The following USP25 variants were observed in gnomAD, a reference collection of about 807,000 sequenced individuals.
The protein encoded by USP25 is ubiquitin specific peptidase 25, also known as ubiquitin carboxyl-terminal hydrolase 25.
Under a neutral mutation model 158.5 loss-of-function variants are expected in USP25, and 85 were observed. The ratio of observed to expected loss-of-function variants is 0.54; its 90% confidence interval spans 0.45 to 0.64. USP25 has a LOEUF of 0.64. Ranked by LOEUF, USP25 falls within the 30% of genes least tolerant of loss-of-function variation. USP25 has a pLI of 0.00. For synonymous variants in USP25, 464 were observed against 460.4 expected, an observed-to-expected ratio of 1.01 and a Z score of -0.10; for missense variants, 1,242 against 1,327.3, an observed-to-expected ratio of 0.94 and a Z score of 1.00.
intron 10 of USP25, 148 bp from the exon 11 acceptor site, chr21:15,823,891 T>G: frequency 1.4e-6 from 1 of 712,728 alleles, no homozygotes; most frequent in Non-Finnish European, 2.1e-6. Context: ...AGGTTGAGTT[T>G]TAACTAAACT....
chr21:15,848,788 A>T (rs2038749604), intron 19 of USP25, among the ~76,000 whole-genome samples: 1 of 152,120 alleles, frequency 6.6e-6, no homozygotes. Context: ...CTGGTCAGAG[A>T]GTTTTCTCAA....
rs538202668 is a variant in USP25 at position 15,805,156 on chromosome 21, G to T, written c.678G>T (p.Arg226Ser). 1.2e-6 allele frequency: 2 copies of T among 1,603,816 alleles called. No homozygotes were observed. The highest frequency in any genetic ancestry group is 2.3e-5 in the East Asian group (1 of 44,166). The change falls in exon 7 of 26, where the codon AGG (arginine) becomes AGT (serine). Residue 226 changes from arginine (R) to serine (S), a missense_variant. Coordinates refer to ENST00000400183, the MANE Select transcript of USP25 (RefSeq NM_001283041.3). ...HRNLPFMREL[R>S]YLFALLVGTK... is the part of the protein sequence containing the mutation. ...ATTTGCCTTTTATGCGTGAGCTGAGGTATCTATTTGCACTTCTTGTTGGTA... is the reference window on the plus strand; with the variant it reads ...ATTTGCCTTTTATGCGTGAGCTGAGTTATCTATTTGCACTTCTTGTTGGTA...
rs112786728 is a variant in USP25 at position 15,830,722 on chromosome 21, T to C, written c.1764+121T>C. On this transcript the variant is annotated intron_variant, in intron 15 of 25. Coordinates refer to ENST00000400183, the MANE Select transcript of USP25 (RefSeq NM_001283041.3). Reference sequence around the variant, plus strand: ...TTTTGTTTTAAAATTTTGGCAAATCTTATTGTAAAATAATAAGGGCTTGCA... The same window carrying C: ...TTTTGTTTTAAAATTTTGGCAAATCCTATTGTAAAATAATAAGGGCTTGCA... 1.0e-3 allele frequency: 796 copies of C among 772,870 alleles called. 2 individuals are homozygous for C. Among genetic ancestry groups the C allele is most frequent in the African/African-American group, 5.3e-3 (300 of 56,412 alleles). The allele number at this position is 772,870 out of a possible 1,614,324, so 47.9% of individuals were successfully genotyped here. A position where few individuals can be genotyped will look rare whatever the true frequency, so the allele number is the denominator to read the frequency against.
intron 20 of USP25, among the ~76,000 whole-genome samples, chr21:15,854,806 G>A (rs940584558): frequency 1.3e-5 from 2 of 152,042 alleles, no homozygotes; most frequent in African/African-American, 2.4e-5. Flanking sequence ...TAAGAATGCA[G>A]TATGAAAAAG....
intron 1 of USP25, among the ~76,000 whole-genome samples, chr21:15,735,178 A>G (rs1224132337): frequency 1.3e-5 from 2 of 152,194 alleles, no homozygotes; most frequent in Non-Finnish European, 2.9e-5. Flanking sequence ...TATTTTAAAT[A>G]TGTTTCTATA....
intron 16 of USP25, 104 bp downstream of exon 16, chr21:15,831,733 G>A (rs1384473637): frequency 2.1e-6 from 2 of 962,208 alleles, no homozygotes; most frequent in Non-Finnish European, 3.2e-6. Flanking sequence ...TGAAGGATGT[G>A]GTTAGGAAAT....
intron 3 of USP25, among the ~76,000 whole-genome samples, chr21:15,775,273 G>A (rs2034574156): frequency 6.6e-6 from 1 of 152,128 alleles, no homozygotes; most frequent in South Asian, 2.1e-4. Flanking sequence ...TTCGGCTATA[G>A]CCCATTTGTT....
intron 25 of USP25, 49 bp downstream of exon 25, chr21:15,878,040 C>A (rs2040168278): frequency 6.9e-7 from 1 of 1,441,574 alleles, no homozygotes; most frequent in East Asian, 2.3e-5. Context: ...GGATTAAATG[C>A]AGTTAGAATT....
intron 5 of USP25, among the ~76,000 whole-genome samples, chr21:15,794,508 T>A (rs1317328437): frequency 6.6e-6 from 1 of 151,478 alleles, no homozygotes; most frequent in Non-Finnish European, 1.5e-5. Flanking sequence ...TTTGGAGGTG[T>A]ATGTTCTTCT....
At chr21:15,776,110 A>C (rs920230377) in intron 3 of USP25, among the ~76,000 whole-genome samples, 2 of 152,050 alleles carry the variant, frequency 1.3e-5, no homozygotes, top group African/African-American at 4.8e-5. Context: ...CTGCTTCATC[A>C]GTGTTTATGA....
At chr21:15,860,969 TATATATAGAG>T (rs1300915721) in intron 20 of USP25, among the ~76,000 whole-genome samples, 1 of 141,320 alleles carries the variant, frequency 7.1e-6, no homozygotes, top group African/African-American at 2.6e-5. Context: ...TATATATATA[TATATATAGAG>T]AGAGAGAGAG....
chr21:15,860,973 T>TAGAG (rs376765181), intron 20 of USP25, among the ~76,000 whole-genome samples: 95 of 142,486 alleles, frequency 6.7e-4, no homozygotes, highest in Middle Eastern at 3.8e-3. Context: ...TATATATATA[T>TAGAG]ATAGAGAGAG....
chr21:15,783,739 C>T (rs1434046214), intron 4 of USP25, among the ~76,000 whole-genome samples: 2 of 150,560 alleles, frequency 1.3e-5, no homozygotes, highest in African/African-American at 4.9e-5. Flanking sequence ...AGGCAGATCA[C>T]GAGGTCAGGA....
At chr21:15,811,479 G>A (rs945254171) in intron 9 of USP25, among the ~76,000 whole-genome samples, 1 of 152,084 alleles carries the variant, frequency 6.6e-6, no homozygotes, top group East Asian at 1.9e-4. Context: ...ATACAATTAT[G>A]TTGGAATACA....
At chr21:15,785,968 A>G (rs947904243) in intron 4 of USP25, among the ~76,000 whole-genome samples, 2 of 152,142 alleles carry the variant, frequency 1.3e-5, no homozygotes, top group African/African-American at 4.8e-5. Flanking sequence ...AAAATGAAAC[A>G]TTACAAATGT....
chr21:15,788,977 G>T (rs2035445480), intron 4 of USP25, among the ~76,000 whole-genome samples: 1 of 151,964 alleles, frequency 6.6e-6, no homozygotes, highest in Non-Finnish European at 1.5e-5. Context: ...AGGAGTGCTG[G>T]GAAGATGTTG....
chr21:15,788,985 T>A (rs1358760795), intron 4 of USP25, among the ~76,000 whole-genome samples: 1 of 152,016 alleles, frequency 6.6e-6, no homozygotes, highest in Non-Finnish European at 1.5e-5. Context: ...TGGGAAGATG[T>A]TGTCTTGGTT....
At chr21:15,849,416 T>C (rs573623037) in intron 19 of USP25, among the ~76,000 whole-genome samples, 1 of 152,280 alleles carries the variant, frequency 6.6e-6, no homozygotes, top group Non-Finnish European at 1.5e-5. Flanking sequence ...ATGAGCTCTC[T>C]GAGGCTTGAG....
At chr21:15,803,010 G>C (rs1030489331) in intron 6 of USP25, among the ~76,000 whole-genome samples, 1 of 151,594 alleles carries the variant, frequency 6.6e-6, no homozygotes. Flanking sequence ...GAGAATAGTG[G>C]AATATTATAA....
Sources: gnomAD v4.1 joint callset for allele counts (sites outside exome capture counted in the v4.1 genomes callset) on GRCh38, gnomAD v4.1.1 for gene constraint, MANE v1.5 for transcripts, NCBI Gene and HGNC (gene_info 2026-07-23, HGNC 2026-07-21) for gene names.